POU6F2: variants seen among roughly 807,000 people sequenced by gnomAD.
The protein encoded by POU6F2 is POU class 6 homeobox 2.
POU6F2 carries 31 observed loss-of-function variants against 71.3 expected under a neutral mutation model. The observed-to-expected ratio is 0.43, with a 90% confidence interval of 0.33 to 0.59. The LOEUF (loss-of-function observed/expected upper bound fraction) is 0.59, where lower values mean the gene tolerates loss of function less well. Ranked by LOEUF, POU6F2 falls within the 20% of genes least tolerant of loss-of-function variation. POU6F2 has a pLI of 0.04. For synonymous variants in POU6F2, 347 were observed against 355.7 expected, an observed-to-expected ratio of 0.98 and a Z score of 0.27; for missense variants, 783 against 856.8, an observed-to-expected ratio of 0.91 and a Z score of 1.07.
At chr7:39,171,019 T>TC in intron 2 of POU6F2, among the ~76,000 whole-genome samples, 1 of 144,736 alleles carries the variant, frequency 6.9e-6, no homozygotes, top group Admixed American at 6.9e-5. Context: ...CATATATCTT[T>TC]TTTTTTTTTT....
chr7:39,407,933 A>G (rs1787473876), intron 6 of POU6F2, among the ~76,000 whole-genome samples: 1 of 152,204 alleles, frequency 6.6e-6, no homozygotes, highest in African/African-American at 2.4e-5. Flanking sequence ...CACACCGCAC[A>G]TATTAAAGGA....
At chr7:39,214,033 G>A (rs1253487104) in intron 4 of POU6F2, among the ~76,000 whole-genome samples, 1 of 152,200 alleles carries the variant, frequency 6.6e-6, no homozygotes, top group Non-Finnish European at 1.5e-5. Flanking sequence ...CCAACAGATA[G>A]GGATGTGTAG....
At chr7:38,992,067 T>C (rs1261676088) in intron 1 of POU6F2, among the ~76,000 whole-genome samples, 1 of 152,104 alleles carries the variant, frequency 6.6e-6, no homozygotes, top group African/African-American at 2.4e-5. Flanking sequence ...ATCTCCTACT[T>C]CCCATACAAC....
chr7:39,159,653 T>C (rs1792949216), intron 2 of POU6F2, among the ~76,000 whole-genome samples: 1 of 152,148 alleles, frequency 6.6e-6, no homozygotes. Flanking sequence ...AAATGGGCAT[T>C]ATACTAGGTA....
chr7:39,121,903 TG>T (rs1413988396), intron 2 of POU6F2, among the ~76,000 whole-genome samples: 1 of 152,230 alleles, frequency 6.6e-6, no homozygotes, highest in Non-Finnish European at 1.5e-5. Flanking sequence ...TTCACCATGC[TG>T]GCCAGGCTGG....
chr7:39,182,285 G>T (rs1184641124), intron 2 of POU6F2, among the ~76,000 whole-genome samples: 1 of 152,032 alleles, frequency 6.6e-6, no homozygotes, highest in Non-Finnish European at 1.5e-5. Context: ...AATGCTGGTT[G>T]CCACTCACAA....
At chr7:39,318,042 G>T (rs190541518) in intron 4 of POU6F2, among the ~76,000 whole-genome samples, 25 of 152,184 alleles carry the variant, frequency 1.6e-4, no homozygotes, top group African/African-American at 5.1e-4. Context: ...GCACTTACAA[G>T]GGTTTTTTTC....
chr7:39,130,066 CAAAAAAA>C (rs572365688), intron 2 of POU6F2, among the ~76,000 whole-genome samples: 9,656 of 44,338 alleles, frequency 0.22, 340 homozygotes, highest in African/African-American at 0.27. Context: ...GACTCCATCT[CAAAAAAA>C]AAAAAAAAAA....
chr7:39,041,376 G>T (rs1790190971), intron 1 of POU6F2, among the ~76,000 whole-genome samples: 2 of 151,850 alleles, frequency 1.3e-5, no homozygotes, highest in South Asian at 4.1e-4. Flanking sequence ...GAGGTTCGTT[G>T]GTCAAAAGAC....
chr7:39,091,881 A>G (rs1791368742), intron 2 of POU6F2, among the ~76,000 whole-genome samples: 1 of 152,244 alleles, frequency 6.6e-6, no homozygotes, highest in South Asian at 2.1e-4. Context: ...TTAATTTGTG[A>G]GAGAACTGGC....
chr7:39,382,706 A>G (rs1032254479), intron 5 of POU6F2, among the ~76,000 whole-genome samples: 1 of 152,224 alleles, frequency 6.6e-6, no homozygotes, highest in African/African-American at 2.4e-5. Flanking sequence ...AAATGTGATC[A>G]TAACCCAGTT....
At position 39,097,633 on chromosome 7, in the gene POU6F2, A is replaced by T. The variant is rs1309464246; in HGVS notation, c.277+11602A>T. Among the ~76,000 whole-genome samples, 9 of 152,354 alleles carry T rather than the reference A, an allele frequency of 5.9e-5. No individual in the cohort carries two copies. The East Asian group carries it at 1.7e-3, about 29-fold the overall frequency. The stretch of plus-strand genomic sequence containing the variant: ...ATTCAATACAGTTTATGTATTCAAC[A>T]TGGAACAGTGAATTGATCCATTCAA... On this transcript the variant is annotated intron_variant, in intron 2 of 9. Transcript: ENST00000518318.
At chr7:39,175,559 T>C (rs573458745) in intron 2 of POU6F2, among the ~76,000 whole-genome samples, 36 of 152,196 alleles carry the variant, frequency 2.4e-4, no homozygotes, top group African/African-American at 8.0e-4. Context: ...GAAAACATTT[T>C]AATTTTGTTT....
At chr7:39,427,720 C>T (rs1487608678) in intron 6 of POU6F2, among the ~76,000 whole-genome samples, 3 of 152,116 alleles carry the variant, frequency 2.0e-5, no homozygotes, top group Non-Finnish European at 4.4e-5. Context: ...AGGAAGTCAC[C>T]GATTTACAGC....
intron 4 of POU6F2, among the ~76,000 whole-genome samples, chr7:39,256,310 T>C (rs946066532): frequency 6.6e-6 from 1 of 152,128 alleles, no homozygotes; most frequent in Non-Finnish European, 1.5e-5. Context: ...AAGGACAACA[T>C]GCCCATAGGC....
intron 2 of POU6F2, among the ~76,000 whole-genome samples, chr7:39,163,134 C>G (rs1793033193): frequency 6.6e-6 from 1 of 152,184 alleles, no homozygotes; most frequent in South Asian, 2.1e-4. Flanking sequence ...CAGCTAGAAT[C>G]TGACAGAGAA....
chr7:39,099,781 A>T (rs1301087838), intron 2 of POU6F2, among the ~76,000 whole-genome samples: 3 of 152,138 alleles, frequency 2.0e-5, no homozygotes, highest in Non-Finnish European at 4.4e-5. Context: ...TTAATAATGA[A>T]AGCCCCTTCC....
At chr7:39,448,737 T>C (rs1788583501) in intron 7 of POU6F2, among the ~76,000 whole-genome samples, 1 of 152,182 alleles carries the variant, frequency 6.6e-6, no homozygotes, top group South Asian at 2.1e-4. Flanking sequence ...TTGATGGTTC[T>C]TTACCACACC....
chr7:38,987,260 T>A (rs1788485884), intron 1 of POU6F2, among the ~76,000 whole-genome samples: 1 of 152,134 alleles, frequency 6.6e-6, no homozygotes, highest in Non-Finnish European at 1.5e-5. Flanking sequence ...AATATTTTAT[T>A]TAGTAACAAA....
Sources: allele counts gnomAD v4.1 joint callset (sites outside exome capture counted in the v4.1 genomes callset), GRCh38; gene constraint gnomAD v4.1.1; transcripts MANE v1.5; gene names NCBI Gene and HGNC (gene_info 2026-07-23, HGNC 2026-07-21).